The following UGT8 variants were observed in gnomAD, a reference collection of about 807,000 sequenced individuals.
UGT8 encodes the protein 2-hydroxyacylsphingosine 1-beta-galactosyltransferase.
UGT8 carries 12 observed loss-of-function variants against 40.5 expected under a neutral mutation model. The ratio of observed to expected loss-of-function variants is 0.30; its 90% CI spans 0.19 to 0.48. The LOEUF (loss-of-function observed/expected upper bound fraction) is 0.48. Ranked by LOEUF, UGT8 falls within the 20% of genes least tolerant of loss-of-function variation. UGT8 has a pLI of 0.99. For synonymous variants in UGT8, 224 were observed against 240.4 expected, an observed-to-expected ratio of 0.93 and a Z score of 0.63; for missense variants, 513 against 648.7, an observed-to-expected ratio of 0.79 and a Z score of 2.27.
chr4:114,651,018 T>C (rs937820760), intron 2 of UGT8, among the ~76,000 whole-genome samples: 1 of 152,110 alleles, frequency 6.6e-6, no homozygotes, highest in African/African-American at 2.4e-5. Context: ...AACTCCTTAC[T>C]TGATTGATCC....
chr4:114,623,840 A>G (rs979196772), intron 2 of UGT8, 138 bp downstream of exon 2: 86 of 1,210,846 alleles, frequency 7.1e-5, no homozygotes, highest in Admixed American at 9.8e-5. Context: ...TGGGGCCTCC[A>G]AAGTCCCTTT....
intron 2 of UGT8, among the ~76,000 whole-genome samples, chr4:114,636,877 T>G (rs1292255914): frequency 6.6e-6 from 1 of 152,198 alleles, no homozygotes; most frequent in Non-Finnish European, 1.5e-5. Flanking sequence ...TTTTCTTAAA[T>G]TTAAACCGCT....
chr4:114,613,666 T>C (rs1465023515), intron 1 of UGT8, among the ~76,000 whole-genome samples: 1 of 152,152 alleles, frequency 6.6e-6, no homozygotes, highest in Non-Finnish European at 1.5e-5. Flanking sequence ...TACCTGTATT[T>C]CTCTTATGCA....
chr4:114,629,838 T>C (rs1732463509), intron 2 of UGT8, among the ~76,000 whole-genome samples: 1 of 152,222 alleles, frequency 6.6e-6, no homozygotes, highest in Non-Finnish European at 1.5e-5. Context: ...TTGCAAGATC[T>C]GACATGATTT....
chr4:114,613,196 G>A (rs1731194155), intron 1 of UGT8, among the ~76,000 whole-genome samples: 1 of 151,966 alleles, frequency 6.6e-6, no homozygotes, highest in Non-Finnish European at 1.5e-5. Flanking sequence ...TGATATCTTT[G>A]TAATTTAAAC....
At chr4:114,604,119 G>A (rs911141401) in intron 1 of UGT8, among the ~76,000 whole-genome samples, 8 of 152,106 alleles carry the variant, frequency 5.3e-5, no homozygotes, top group African/African-American at 1.9e-4. Flanking sequence ...CCATGCTTCC[G>A]CCAGTCAGGA....
chr4:114,654,636 C>CT (rs889405207), intron 2 of UGT8, among the ~76,000 whole-genome samples: 1 of 152,080 alleles, frequency 6.6e-6, no homozygotes, highest in African/African-American at 2.4e-5. Flanking sequence ...GCTACAACAC[C>CT]TTCCCTTGTC....
At chr4:114,657,778 G>A (rs569950615) in intron 2 of UGT8, among the ~76,000 whole-genome samples, 2 of 152,000 alleles carry the variant, frequency 1.3e-5, no homozygotes, top group African/African-American at 4.8e-5. Context: ...GAAGAGAACA[G>A]CATAATTTTT....
intron 2 of UGT8, 155 bp downstream of exon 2, chr4:114,623,857 G>A: frequency 1.6e-6 from 1 of 608,870 alleles, no homozygotes; most frequent in Non-Finnish European, 2.1e-6. Context: ...CTTTATGTGG[G>A]TCCACCACTT....
chr4:114,604,250 A>T (rs1162043944), intron 1 of UGT8, among the ~76,000 whole-genome samples: 1 of 152,192 alleles, frequency 6.6e-6, no homozygotes, highest in Non-Finnish European at 1.5e-5. Context: ...TAGATAATCT[A>T]TAAGGACATT....
intron 2 of UGT8, among the ~76,000 whole-genome samples, chr4:114,625,666 T>A (rs1036990818): frequency 9.9e-5 from 15 of 152,194 alleles, no homozygotes; most frequent in Non-Finnish European, 1.5e-4. Context: ...ATACTCTACC[T>A]TTCAAAAAGA....
chr4:114,640,788 G>C (rs553862370), intron 2 of UGT8, among the ~76,000 whole-genome samples: 1 of 152,124 alleles, frequency 6.6e-6, no homozygotes, highest in Non-Finnish European at 1.5e-5. Flanking sequence ...GATCTTGTGA[G>C]ACTTATTCAC....
chr4:114,648,876 C>T (rs1384676320), intron 2 of UGT8, among the ~76,000 whole-genome samples: 3 of 152,060 alleles, frequency 2.0e-5, no homozygotes, highest in Non-Finnish European at 1.5e-5. Flanking sequence ...TTCTGAGGAA[C>T]TTTAAATAGC....
intron 1 of UGT8, among the ~76,000 whole-genome samples, chr4:114,617,664 T>C (rs1731524446): frequency 6.6e-6 from 1 of 152,220 alleles, no homozygotes; most frequent in African/African-American, 2.4e-5. Flanking sequence ...CACTAGTGGC[T>C]ACTGTTAAAT....
intron 2 of UGT8, among the ~76,000 whole-genome samples, chr4:114,645,873 TG>T (rs1733538929): frequency 6.6e-6 from 1 of 152,166 alleles, no homozygotes; most frequent in Admixed American, 6.6e-5. Flanking sequence ...ATTTAGCAAA[TG>T]TTTACTGAGT....
At chr4:114,674,445 A>G (rs1300061197) in intron 5 of UGT8, among the ~76,000 whole-genome samples, 2 of 151,810 alleles carry the variant, frequency 1.3e-5, no homozygotes, top group East Asian at 3.9e-4. Context: ...TCCCACCACC[A>G]TTTTTTTAGT....
intron 2 of UGT8, among the ~76,000 whole-genome samples, chr4:114,642,083 A>G (rs1249738608): frequency 6.6e-6 from 1 of 152,268 alleles, no homozygotes; most frequent in Middle Eastern, 3.4e-3. Flanking sequence ...TGCTACCTAG[A>G]TGCTTAACAG....
chr4:114,607,774 T>G (rs1224316765), intron 1 of UGT8, among the ~76,000 whole-genome samples: 1 of 152,152 alleles, frequency 6.6e-6, no homozygotes, highest in African/African-American at 2.4e-5. Context: ...AATTGATCAC[T>G]ATGTCCTTCA....
chr4:114,650,124 C>T (rs1022201135), intron 2 of UGT8, among the ~76,000 whole-genome samples: 1 of 152,182 alleles, frequency 6.6e-6, no homozygotes, highest in Non-Finnish European at 1.5e-5. Context: ...ATTCTCCTCT[C>T]TTCAGGTGCT....
Sources: allele counts gnomAD v4.1 joint callset (sites outside exome capture counted in the v4.1 genomes callset), GRCh38; gene constraint gnomAD v4.1.1; transcripts MANE v1.5; gene names NCBI Gene and HGNC (gene_info 2026-07-23, HGNC 2026-07-21).